TTLL13: variants seen among roughly 807,000 people sequenced by gnomAD.
The protein encoded by TTLL13 is tubulin tyrosine ligase like 13, also known as tubulin polyglutamylase TTLL13.
chr15:90,253,950 C>A, the TTLL13 span, among the ~76,000 whole-genome samples: 1 of 152,172 alleles, frequency 6.6e-6, no homozygotes, highest in Admixed American at 6.5e-5. Context: ...GAAATTAAAA[C>A]CTGTCCCACA....
At chr15:90,262,252 G>C in the TTLL13 span, 1 of 1,434,194 alleles carries the variant, frequency 7.0e-7, no homozygotes, top group Non-Finnish European at 9.2e-7. Context: ...AAGCTGCATT[G>C]CTTCCCAGCA....
the TTLL13 span, chr15:90,250,976 G>A: frequency 6.6e-7 from 1 of 1,505,860 alleles, no homozygotes; most frequent in South Asian, 1.3e-5. Context: ...TGGGATCTCA[G>A]ATCTTCCCTT....
chr15:90,252,649 A>T, the TTLL13 span, among the ~76,000 whole-genome samples: 7 of 152,268 alleles, frequency 4.6e-5, no homozygotes, highest in Non-Finnish European at 1.0e-4. Flanking sequence ...GTGAAGTGCC[A>T]GTGTGACCCC....
At chr15:90,258,233 C>CT in the TTLL13 span, 2 of 1,614,250 alleles carry the variant, frequency 1.2e-6, no homozygotes, top group Non-Finnish European at 1.7e-6. Context: ...GTTTTGACAT[C>CT]TTGCTGGACC....
the TTLL13 span, among the ~76,000 whole-genome samples, chr15:90,261,208 A>C: frequency 6.6e-6 from 1 of 150,640 alleles, no homozygotes; most frequent in Non-Finnish European, 1.5e-5. Context: ...CCTCCCAAGT[A>C]GCTGGGACTA....
the TTLL13 span, chr15:90,263,270 A>G: frequency 1.1e-6 from 1 of 879,220 alleles, no homozygotes; most frequent in Non-Finnish European, 1.7e-6. Flanking sequence ...GGGAAAGCAG[A>G]GTGCGCTAGC....
the TTLL13 span, among the ~76,000 whole-genome samples, chr15:90,251,207 G>A: frequency 1.4e-5 from 2 of 144,002 alleles, no homozygotes; most frequent in Non-Finnish European, 1.5e-5. Context: ...TCCGCCTCCC[G>A]GGTTCAGGCC....
At chr15:90,253,157 G>A in the TTLL13 span, 7 of 921,752 alleles carry the variant, frequency 7.6e-6, no homozygotes, top group African/African-American at 1.1e-4. Flanking sequence ...CTGCCCTCGG[G>A]TCAGGTGTAT....
the TTLL13 span, chr15:90,257,511 C>T: frequency 9.8e-7 from 1 of 1,019,884 alleles, no homozygotes; most frequent in Non-Finnish European, 1.4e-6. Flanking sequence ...GAATAGCAGT[C>T]CTCTGGTGGA....
At chr15:90,261,843 T>A in the TTLL13 span, among the ~76,000 whole-genome samples, 1 of 152,330 alleles carries the variant, frequency 6.6e-6, no homozygotes, top group African/African-American at 2.4e-5. Flanking sequence ...GCTACCCACA[T>A]GTGGGGCTAG....
At chr15:90,251,370 C>T in the TTLL13 span, among the ~76,000 whole-genome samples, 2 of 148,394 alleles carry the variant, frequency 1.3e-5, no homozygotes, top group African/African-American at 5.0e-5. Flanking sequence ...GTGATCCACC[C>T]GCCTCGGCCT....
chr15:90,262,522 G>A, the TTLL13 span: 1 of 1,519,730 alleles, frequency 6.6e-7, no homozygotes, highest in Non-Finnish European at 8.8e-7. Flanking sequence ...GCCTTAAGCA[G>A]GAACAGCAGG....
the TTLL13 span, chr15:90,264,870 A>T: frequency 6.5e-7 from 1 of 1,535,988 alleles, no homozygotes; most frequent in South Asian, 1.2e-5. Context: ...TCCATGGTAA[A>T]CTCTGAACAC....
the TTLL13 span, chr15:90,251,602 C>T: frequency 2.4e-5 from 39 of 1,613,744 alleles, no homozygotes; most frequent in South Asian, 4.2e-4. Flanking sequence ...GTGGTAAGCA[C>T]CCAGCCCGTC....
the TTLL13 span, chr15:90,257,904 A>T: frequency 1.0e-6 from 1 of 955,186 alleles, no homozygotes; most frequent in Non-Finnish European, 1.6e-6. Context: ...CCTGATAACT[A>T]GTCCCTGCTC....
the TTLL13 span, chr15:90,255,782 G>T: frequency 2.4e-5 from 39 of 1,614,040 alleles, no homozygotes; most frequent in East Asian, 8.7e-4. Context: ...TGGCATGACA[G>T]AAATCTGCCG....
chr15:90,254,673 C>A, the TTLL13 span, among the ~76,000 whole-genome samples: 31 of 151,880 alleles, frequency 2.0e-4, no homozygotes, highest in Non-Finnish European at 3.1e-4. Context: ...CCCATCTCTA[C>A]CAAAAATACA....
the TTLL13 span, chr15:90,257,279 C>T: frequency 6.2e-7 from 1 of 1,611,046 alleles, no homozygotes; most frequent in Admixed American, 1.7e-5. Flanking sequence ...CCATAACAAC[C>T]TGGTAAGGGG....
the TTLL13 span, chr15:90,262,733 G>T: frequency 7.2e-7 from 1 of 1,395,634 alleles, no homozygotes; most frequent in Non-Finnish European, 9.4e-7. Context: ...CTAGATAGGG[G>T]AATGAATCTC....
Sources: gnomAD v4.1 joint callset for allele counts (sites outside exome capture counted in the v4.1 genomes callset) on GRCh38, gnomAD v4.1.1 for gene constraint, MANE v1.5 for transcripts, NCBI Gene and HGNC (gene_info 2026-07-23, HGNC 2026-07-21) for gene names.